Variants in HEXD observed in about 807,000 individuals in gnomAD.
HEXD encodes hexosaminidase D.
HEXD carries 47 observed loss-of-function variants against 54.2 expected under a neutral mutation model. That is an observed-to-expected ratio of 0.87 (90% CI 0.69 to 1.11). The LOEUF (loss-of-function observed/expected upper bound fraction) is 1.11, where lower values mean the gene tolerates loss of function less well. Ranked by LOEUF, HEXD falls within the 50% of genes least tolerant of loss-of-function variation. HEXD has a pLI of 0.00. For missense variants in HEXD, 576 were observed against 649.2 expected (o/e 0.89, Z 1.23); for synonymous variants, 293 against 287.6 (o/e 1.02, Z -0.19).
intron 8 of HEXD, among the ~76,000 whole-genome samples, chr17:82,438,592 T>C (rs781217928): frequency 8.5e-5 from 13 of 152,234 alleles, no homozygotes; most frequent in Non-Finnish European, 1.8e-4. Flanking sequence ...AGTCCTGACC[T>C]TGGGTCTCGT....
At chr17:82,432,864 C>A (rs528074485) in intron 4 of HEXD, among the ~76,000 whole-genome samples, 19 of 144,796 alleles carry the variant, frequency 1.3e-4, no homozygotes, top group Non-Finnish European at 2.3e-4. Context: ...GAGATCGAGA[C>A]CATCCTGGCT....
intron 11 of HEXD, among the ~76,000 whole-genome samples, chr17:82,441,541 C>T (rs1440450349): frequency 1.8e-4 from 10 of 55,234 alleles, no homozygotes; most frequent in Non-Finnish European, 2.7e-4. Context: ...TGTGGGTAAG[C>T]GGGAAGGCAT....
intron 8 of HEXD, among the ~76,000 whole-genome samples, chr17:82,438,191 TCA>T (rs58592706): frequency 0.023 from 3,559 of 151,466 alleles, 133 homozygotes; most frequent in African/African-American, 0.083. Flanking sequence ...TGAGCCAAGA[TCA>T]CACCGCTGCA....
In HEXD at chr17:82,434,746, G is replaced by A. The variant is rs956260279; in HGVS notation, c.447+924G>A. Among the ~76,000 whole-genome samples the A allele has an allele frequency of 4.6e-5, 7 of 152,162 alleles. 1 individual carries two copies. The South Asian group carries it at 8.3e-4, about 18-fold the overall frequency. On this transcript the variant is annotated intron_variant, in intron 5 of 12. Transcript: ENST00000327949. This position sits in a 1 kb window ranked among gnomAD's most constrained non-coding sequence, Gnocchi z 4.5. ...CCAGCTACTCAGGAGGCTGAGGCACGAGAATCGCTTGAACCCAGGAGGTGA... is the reference window on the plus strand; with the variant it reads ...CCAGCTACTCAGGAGGCTGAGGCACAAGAATCGCTTGAACCCAGGAGGTGA...
At chr17:82,438,867 T>C (rs1315742209) in intron 8 of HEXD, among the ~76,000 whole-genome samples, 1 of 152,268 alleles carries the variant, frequency 6.6e-6, no homozygotes, top group African/African-American at 2.4e-5. Flanking sequence ...TACAGCTCTG[T>C]CTGCATAAAC....
In HEXD at chr17:82,424,389, C is replaced by T. The variant is rs1256157980; in HGVS notation, c.85-5C>T. On this transcript the variant is annotated splice_region_variant and splice_polypyrimidine_tract_variant and intron_variant, in intron 2 of 12. Coordinates refer to ENST00000327949, the MANE Select transcript of HEXD (RefSeq NM_001330542.2). ...CTTCCTAACCCCTCCCTGTTTACCC[C>T]CCAGATTTTTCCTCTGTTCCGTGCG... 1.9e-6 allele frequency: 3 copies of T among 1,607,950 alleles called. No individual in the cohort carries two copies. Among genetic ancestry groups the T allele is most frequent in the Admixed American group, 1.7e-5 (1 of 59,998 alleles).
At chr17:82,439,298 T>G in intron 8 of HEXD, 1 of 403,600 alleles carries the variant, frequency 2.5e-6, no homozygotes, top group Non-Finnish European at 3.4e-6. Flanking sequence ...CAGGAGCCCT[T>G]TTCTCAGAGG....
intron 9 of HEXD, 153 bp downstream of exon 9, chr17:82,439,866 A>C: frequency 1.9e-6 from 3 of 1,538,996 alleles, no homozygotes; most frequent in South Asian, 2.4e-5. Flanking sequence ...TCAGCCACCC[A>C]CCTGCCCTGA....
chr17:82,435,776 C>G lies in HEXD; in HGVS notation c.535C>G (p.Arg179Gly). 1 of 1,612,948 alleles carries G rather than the reference C, an allele frequency of 6.2e-7. No individual in the cohort carries two copies. The highest frequency in any genetic ancestry group is 8.5e-7 in the Non-Finnish European group (1 of 1,179,906). ...GGGGAAGTTGTGCCTGTCACACATG[C>G]GGGCGGTGGCCAGCGGCGTGAAGGC... ...STGKLCLSHM[R>G]AVASGVKARR... Residue 179 changes from arginine to glycine, a missense_variant, in exon 6 of 13, where the codon CGG becomes GGG. Coordinates refer to ENST00000327949, the MANE Select transcript of HEXD (RefSeq NM_001330542.2).
At position 82,418,469 on chromosome 17, in the gene HEXD, C is replaced by T; in HGVS notation, c.-323C>T. 1 of 1,471,812 alleles carries T rather than the reference C, an allele frequency of 6.8e-7. No individual in the cohort carries two copies. The highest frequency in any genetic ancestry group is 9.0e-7 in the Non-Finnish European group (1 of 1,117,168). The allele number at this position is 1,471,812 out of a possible 1,614,324, so 91.2% of individuals were successfully genotyped here. A position where few individuals can be genotyped will look rare whatever the true frequency, so the allele number is the denominator to read the frequency against. Reference sequence around the variant, plus strand: ...GCCCTCGGGCGCCTTGGTTGCGGCCCTCCGCTGAGGAGCCATCGGACCAGG... The same window carrying T: ...GCCCTCGGGCGCCTTGGTTGCGGCCTTCCGCTGAGGAGCCATCGGACCAGG... On this transcript the variant is annotated 5_prime_UTR_variant, in exon 1 of 13. Coordinates refer to ENST00000327949, the MANE Select transcript of HEXD (RefSeq NM_001330542.2).
At chr17:82,429,026 G>C (rs976461074) in intron 4 of HEXD, among the ~76,000 whole-genome samples, 9 of 152,138 alleles carry the variant, frequency 5.9e-5, no homozygotes, top group Non-Finnish European at 1.3e-4. Flanking sequence ...TTGGGAGGCC[G>C]AGGCTGGTGG....
At position 82,435,768 on chromosome 17, in the gene HEXD, C is replaced by T. The variant is rs752746404; in HGVS notation, c.527C>T (p.Ser176Leu). 12 of 1,612,980 alleles carry T rather than the reference C, an allele frequency of 7.4e-6. No homozygotes were observed. The East Asian group carries it at 2.7e-4, about 36-fold the overall frequency. The change falls in exon 6 of 13, where the codon TCA becomes TTA. Residue 176 changes from serine to leucine, a missense_variant. Coordinates refer to ENST00000327949, the MANE Select transcript of HEXD (RefSeq NM_001330542.2). ...AACAGCACGGGGAAGTTGTGCCTGT[C>T]ACACATGCGGGCGGTGGCCAGCGGC... ...EQNSTGKLCL[S>L]HMRAVASGVK...
chr17:82,429,478 C>G (rs574386614), intron 4 of HEXD, among the ~76,000 whole-genome samples: 106 of 152,258 alleles, frequency 7.0e-4, no homozygotes, highest in Admixed American at 1.2e-3. Flanking sequence ...CTTCCCACAG[C>G]TCGGTCCTCC....
In HEXD at chr17:82,434,029, G is replaced by A. The variant is rs4789775; in HGVS notation, c.447+207G>A. On this transcript the variant is annotated intron_variant, in intron 5 of 12. Transcript: ENST00000327949. This position sits in a 1 kb window ranked among gnomAD's most constrained non-coding sequence, Gnocchi z 4.5. Reference sequence around the variant, plus strand: ...CGAGGGAGGCACCCTCGTGTCAGACGCGTCCAACATCTTCTCCGGGTGGAT... The same window carrying A: ...CGAGGGAGGCACCCTCGTGTCAGACACGTCCAACATCTTCTCCGGGTGGAT... Among the ~76,000 whole-genome samples, 1,196 of 151,090 alleles carry A rather than the reference G, an allele frequency of 7.9e-3. 14 individuals carry two copies. The highest frequency in any genetic ancestry group is 0.027 in the African/African-American group (1,128 of 41,192).
At chr17:82,435,959 GGCCCCAGGGTGA>G in intron 6 of HEXD, 87 bp downstream of exon 6, 1 of 1,391,104 alleles carries the variant, frequency 7.2e-7, no homozygotes, top group Middle Eastern at 2.6e-4. Context: ...GTAGGAAGTG[GGCCCCAGGGTGA>G]GCCCCAGCCC....
chr17:82,420,188 G>A (rs1406965708), intron 2 of HEXD: 1 of 212,112 alleles, frequency 4.7e-6, no homozygotes, highest in Non-Finnish European at 9.3e-6. Flanking sequence ...CCTGGGACCT[G>A]TGAATGAGAC....
At chr17:82,433,303 G>A (rs746184499) in intron 4 of HEXD, among the ~76,000 whole-genome samples, 5 of 151,052 alleles carry the variant, frequency 3.3e-5, no homozygotes, top group African/African-American at 4.9e-5. Flanking sequence ...TTAGCCAGGC[G>A]TGGTGGCACA....
intron 5 of HEXD, among the ~76,000 whole-genome samples, chr17:82,435,218 A>AG (rs1310205123): frequency 1.3e-5 from 2 of 152,116 alleles, no homozygotes; most frequent in Non-Finnish European, 2.9e-5. Flanking sequence ...CAATCACCCC[A>AG]GGGCAAGCCC....
chr17:82,427,288 GCAAGACT>G (rs1364717711), intron 3 of HEXD: 2 of 152,158 alleles, frequency 1.3e-5, no homozygotes, highest in African/African-American at 4.8e-5. Context: ...GGGTGACAGA[GCAAGACT>G]CTGTCTCAAA....
Sources: gnomAD v4.1 joint callset for allele counts (sites outside exome capture counted in the v4.1 genomes callset) on GRCh38, gnomAD v4.1.1 for gene constraint, Gnocchi (gnomAD v3.1) non-coding constraint, MANE v1.5 for transcripts, NCBI Gene and HGNC (gene_info 2026-07-23, HGNC 2026-07-21) for gene names.